The following PCNT variants were observed in gnomAD, a reference collection of about 807,000 sequenced individuals.
PCNT encodes kendrin.
PCNT carries 319 observed loss-of-function variants against 380.4 expected under a neutral mutation model. The observed-to-expected ratio is 0.84, with a 90% CI of 0.77 to 0.92. The LOEUF is 0.92. Among genes scored for constraint, PCNT ranks in the 40% least tolerant of loss-of-function variants. PCNT has a pLI of 0.00. For missense variants in PCNT, 4,400 were observed against 4,255.3 expected, an observed-to-expected ratio of 1.03 and a Z score of -0.95; for synonymous variants, 1,845 against 1,735.2, an observed-to-expected ratio of 1.06 and a Z score of -1.57.
chr21:46,339,152 G>A (rs1339743264), intron 3 of PCNT, among the ~76,000 whole-genome samples: 1 of 152,054 alleles, frequency 6.6e-6, no homozygotes, highest in East Asian at 1.9e-4. Flanking sequence ...ATGATCTCAG[G>A]TGATCTGCTC....
intron 40 of PCNT, among the ~76,000 whole-genome samples, chr21:46,437,658 A>G (rs1384247400): frequency 6.6e-6 from 1 of 152,232 alleles, no homozygotes; most frequent in Non-Finnish European, 1.5e-5. Context: ...TGTGGCATTT[A>G]TGAAATCATG....
chr21:46,367,395 C>T (rs1344927224), intron 15 of PCNT, among the ~76,000 whole-genome samples: 1 of 151,760 alleles, frequency 6.6e-6, no homozygotes, highest in Non-Finnish European at 1.5e-5. Flanking sequence ...GCAACCTCCG[C>T]CTCCTGGGTT....
intron 27 of PCNT, among the ~76,000 whole-genome samples, chr21:46,407,650 T>C (rs1459496488): frequency 6.6e-6 from 1 of 152,200 alleles, no homozygotes. Context: ...GTCTATACTT[T>C]CTCATTTTGT....
intron 31 of PCNT, among the ~76,000 whole-genome samples, chr21:46,418,886 G>T (rs551547825): frequency 1.5e-4 from 23 of 152,330 alleles, no homozygotes; most frequent in African/African-American, 5.3e-4. Context: ...GAGGTGCGTG[G>T]GCTTGACTTG....
rs1251887988 is a variant in PCNT at position 46,423,076 on chromosome 21, C to T, written c.7179+952C>T. On this transcript the variant is annotated intron_variant, in intron 32 of 46. Coordinates refer to ENST00000359568, the MANE Select transcript of PCNT (RefSeq NM_006031.6). Reference sequence around the variant, plus strand: ...CAGCCTGGGCAACATAGTAAGACCCCTCTCTGTCAGAACTGAGTCAGTTAA... The same window carrying T: ...CAGCCTGGGCAACATAGTAAGACCCTTCTCTGTCAGAACTGAGTCAGTTAA... Among the ~76,000 whole-genome samples the T allele has an allele frequency of 2.6e-5, 4 of 152,118 alleles. No homozygotes were observed. The East Asian group carries it at 7.7e-4, about 29-fold the overall frequency.
intron 3 of PCNT, among the ~76,000 whole-genome samples, chr21:46,342,890 A>C (rs1389315001): frequency 6.6e-6 from 1 of 152,142 alleles, no homozygotes; most frequent in African/African-American, 2.4e-5. Context: ...CTCCTTGGTT[A>C]GGAATATTCC....
chr21:46,400,488 A>C lies in PCNT; in HGVS notation c.4791+692A>C, dbSNP rs530949786. On this transcript the variant is annotated intron_variant, in intron 25 of 46. Coordinates refer to ENST00000359568, the MANE Select transcript of PCNT (RefSeq NM_006031.6). ...GGCCTCAGACACAGATGAGAGGAGG[A>C]GTCTTTCTCAGGTGTGTCTGATTCT... is the stretch of plus-strand genomic sequence containing the variant. 8.7e-5 allele frequency among the ~76,000 whole-genome samples: 12 copies of C among 138,684 alleles called. No homozygotes were observed. The South Asian group carries it at 2.9e-3, about 33-fold the overall frequency. 91.0% of individuals were successfully genotyped at this position (138,684 alleles called of 152,430 possible).
At chr21:46,440,269 C>T in intron 42 of PCNT, 67 bp downstream of exon 42, 2 of 1,578,544 alleles carry the variant, frequency 1.3e-6, no homozygotes, top group Non-Finnish European at 1.7e-6. Context: ...AAATTGCAGG[C>T]AAAGCATTTT....
intron 31 of PCNT, among the ~76,000 whole-genome samples, chr21:46,419,782 G>A (rs1469034938): frequency 2.0e-5 from 3 of 151,798 alleles, no homozygotes; most frequent in East Asian, 1.9e-4. Context: ...GCTCTCTCAC[G>A]CAGGCTGGAG....
At chr21:46,428,675 G>C in intron 35 of PCNT, 85 bp downstream of exon 35, 1 of 1,206,078 alleles carries the variant, frequency 8.3e-7, no homozygotes, top group South Asian at 1.3e-5. Context: ...GGGAGCAGAG[G>C]GTGGTGACAG....
chr21:46,340,373 A>C (rs933846239), intron 3 of PCNT, among the ~76,000 whole-genome samples: 1 of 152,152 alleles, frequency 6.6e-6, no homozygotes, highest in Non-Finnish European at 1.5e-5. Flanking sequence ...AGCTCAGCCC[A>C]CTTTTGTGCT....
intron 27 of PCNT, among the ~76,000 whole-genome samples, 165 bp from the exon 28 acceptor site, chr21:46,411,024 G>A (rs188559870): frequency 1.3e-3 from 204 of 152,356 alleles, no homozygotes; most frequent in African/African-American, 4.7e-3. Context: ...GCCAAGGTGG[G>A]TGTGGAGTGC....
At chr21:46,382,766 C>T (rs1455600875) in intron 16 of PCNT, among the ~76,000 whole-genome samples, 2 of 138,080 alleles carry the variant, frequency 1.4e-5, no homozygotes, top group Non-Finnish European at 3.1e-5. Flanking sequence ...AGCGCATTCA[C>T]CGTGTTGTAT....
At position 46,385,805 on chromosome 21, in the gene PCNT, G is replaced by A. The variant is rs1207365230; in HGVS notation, c.3313-27G>A. 1.3e-5 allele frequency: 21 copies of A among 1,613,422 alleles called. No individual in the cohort carries two copies. The East Asian group carries it at 1.3e-4, about 10-fold the overall frequency. On this transcript the variant is annotated intron_variant, in intron 16 of 46. Coordinates refer to ENST00000359568, the MANE Select transcript of PCNT (RefSeq NM_006031.6). Reference sequence around the variant, plus strand: ...TTGCTTTTAACCAAATTGTTTTAACGAAAGCTTTAACCATTTTTCTCGATA... The same window carrying A: ...TTGCTTTTAACCAAATTGTTTTAACAAAAGCTTTAACCATTTTTCTCGATA...
At chr21:46,337,411 A>G (rs540700686) in intron 3 of PCNT, among the ~76,000 whole-genome samples, 1 of 152,258 alleles carries the variant, frequency 6.6e-6, no homozygotes, top group Non-Finnish European at 1.5e-5. Flanking sequence ...CTCCATTTTC[A>G]GTTTCCAGTC....
rs764694891 is a variant in PCNT, at chr21:46,326,453, C to T, written c.131C>T (p.Ser44Leu). Residue 44 changes from serine to leucine, a missense_variant, in exon 2 of 47, where the codon TCG (serine) becomes TTG (leucine). By Grantham distance (145) the Ser-to-Leu change is moderately radical. Coordinates refer to ENST00000359568, the MANE Select transcript of PCNT (RefSeq NM_006031.6). ...SEKKTAKRKG[S>L]AVDASVQEES... is the part of the protein sequence containing the mutation. Reference sequence around the variant, plus strand: ...AAAAAGACGGCGAAGAGGAAGGGCTCGGCTGTCGATGCGTCTGTCCAGGAG... The same window carrying T: ...AAAAAGACGGCGAAGAGGAAGGGCTTGGCTGTCGATGCGTCTGTCCAGGAG... 4.3e-6 allele frequency: 7 copies of T among 1,614,172 alleles called. No individual in the cohort carries two copies. The highest frequency in any genetic ancestry group is 1.7e-5 in the Admixed American group (1 of 60,012).
chr21:46,391,127 G>A (rs761664028), intron 20 of PCNT, 37 bp from the exon 21 acceptor site: 1 of 1,536,068 alleles, frequency 6.5e-7, no homozygotes, highest in Admixed American at 2.0e-5. Flanking sequence ...TTACACCCAG[G>A]ACTGGCTTTG....
chr21:46,359,480 G>GTTTTTGTTTTTTTTTTTT (rs2084610991), intron 13 of PCNT, among the ~76,000 whole-genome samples: 1 of 65,732 alleles, frequency 1.5e-5, no homozygotes, highest in Non-Finnish European at 3.4e-5. Context: ...AAATACACCT[G>GTTTTTGTTTTTTTTTTTT]TTTTTTTTTT....
chr21:46,402,450 CAG>C lies in PCNT; in HGVS notation c.5086_5087del (p.Glu1696ThrfsTer2). ...MQNSQTAVSL[R>X]ELEEENTSLK... ...AGAACAGCCAGACTGCTGTCAGCCT[CAG>C]AGAACTTGAGGAAGAGAACACGAGC... On this transcript the variant is annotated frameshift_variant, in exon 27 of 47. Coordinates refer to ENST00000359568, the MANE Select transcript of PCNT (RefSeq NM_006031.6). LOFTEE classifies it high-confidence loss of function. 1 of 1,614,128 alleles carries C rather than the reference CAG, an allele frequency of 6.2e-7. No individual in the cohort carries two copies. The highest frequency in any genetic ancestry group is 8.5e-7 in the Non-Finnish European group (1 of 1,180,014).
Sources: gnomAD v4.1 joint callset for allele counts (sites outside exome capture counted in the v4.1 genomes callset) on GRCh38, gnomAD v4.1.1 for gene constraint, MANE v1.5 for transcripts, NCBI Gene and HGNC (gene_info 2026-07-23, HGNC 2026-07-21) for gene names.